RERE: variants seen among roughly 807,000 people sequenced by gnomAD.
RERE encodes arginine-glutamic acid dipeptide repeats.
Under a neutral mutation model 146.1 loss-of-function variants are expected in RERE, and 40 were observed. The observed-to-expected ratio is 0.27, with a 90% CI of 0.21 to 0.36. The LOEUF is 0.36. Ranked by LOEUF, RERE falls within the 10% of genes least tolerant of loss-of-function variation. RERE has a pLI of 1.00. For missense variants in RERE, 1,933 were observed against 2,138.7 expected, an observed-to-expected ratio of 0.90 and a Z score of 1.90; for synonymous variants, 1,003 against 866.0, an observed-to-expected ratio of 1.16 and a Z score of -2.78.
intron 2 of RERE, among the ~76,000 whole-genome samples, chr1:8,655,296 T>C (rs1638248231): frequency 1.3e-5 from 2 of 149,844 alleles, no homozygotes; most frequent in South Asian, 4.3e-4. Flanking sequence ...AACCTCCACC[T>C]CCTGGGTTCA....
chr1:8,355,366 T>G, intron 22 of RERE, 53 bp downstream of exon 22: 1 of 1,583,416 alleles, frequency 6.3e-7, no homozygotes, highest in Non-Finnish European at 8.6e-7. Context: ...ACGGGGAGGT[T>G]GGGAGCCTGG....
chr1:8,437,467 C>A (rs1032650129), intron 11 of RERE, among the ~76,000 whole-genome samples: 1 of 152,104 alleles, frequency 6.6e-6, no homozygotes, highest in East Asian at 1.9e-4. Flanking sequence ...CTCTGGTCTC[C>A]CGCCTACCCC....
At chr1:8,388,440 C>G (rs1642760756) in intron 12 of RERE, among the ~76,000 whole-genome samples, 1 of 152,128 alleles carries the variant, frequency 6.6e-6, no homozygotes, top group African/African-American at 2.4e-5. Context: ...CTGCCTCAGC[C>G]TCCTGAGTAG....
At chr1:8,507,144 A>G (rs75394395) in intron 8 of RERE, among the ~76,000 whole-genome samples, 5,767 of 152,268 alleles carry the variant, frequency 0.038, 363 homozygotes, top group African/African-American at 0.13. Context: ...CCAGTGGCAC[A>G]TGCCTTTAGT....
At chr1:8,812,939 T>C (rs1004516113) in intron 1 of RERE, among the ~76,000 whole-genome samples, 3 of 151,920 alleles carry the variant, frequency 2.0e-5, no homozygotes, top group Admixed American at 6.6e-5. Flanking sequence ...TCTCCTCCAT[T>C]ATTTAAAAAA....
At chr1:8,458,389 C>A (rs543341239) in intron 11 of RERE, among the ~76,000 whole-genome samples, 2 of 152,044 alleles carry the variant, frequency 1.3e-5, no homozygotes, top group Admixed American at 6.6e-5. Context: ...CTGAAGACTC[C>A]CCCCATTACT....
chr1:8,779,713 T>G (rs1349862703), intron 1 of RERE, among the ~76,000 whole-genome samples: 2 of 152,084 alleles, frequency 1.3e-5, no homozygotes, highest in African/African-American at 4.8e-5. Context: ...TTTTTTCTAT[T>G]TATTCATTAT....
chr1:8,561,248 G>T (rs994786452), intron 4 of RERE, among the ~76,000 whole-genome samples: 3 of 152,178 alleles, frequency 2.0e-5, no homozygotes, highest in African/African-American at 4.8e-5. Context: ...GGGAGTGGCA[G>T]CATTGTGCTG....
chr1:8,633,214 G>A, intron 2 of RERE, among the ~76,000 whole-genome samples: 1 of 152,188 alleles, frequency 6.6e-6, no homozygotes, highest in East Asian at 1.9e-4. Context: ...CAGGTCAGAA[G>A]TTCGAGACCA....
chr1:8,807,305 C>T (rs1273073538), intron 1 of RERE, among the ~76,000 whole-genome samples: 1 of 152,126 alleles, frequency 6.6e-6, no homozygotes, highest in East Asian at 1.9e-4. Context: ...CCTCCTGCCT[C>T]GACCTCCCAA....
intron 8 of RERE, among the ~76,000 whole-genome samples, chr1:8,502,023 C>A (rs1570352444): frequency 1.8e-5 from 2 of 111,018 alleles, no homozygotes; most frequent in South Asian, 3.3e-4. Flanking sequence ...CCGCCCCGTC[C>A]GGGAGGGAGG....
chr1:8,656,851 G>A (rs868633783), intron 1 of RERE, among the ~76,000 whole-genome samples: 10 of 152,176 alleles, frequency 6.6e-5, no homozygotes, highest in South Asian at 2.1e-4. Context: ...TGCGGCTCAT[G>A]CCTTGTAATC....
chr1:8,454,842 A>G (rs907328921), intron 11 of RERE, among the ~76,000 whole-genome samples: 3 of 151,308 alleles, frequency 2.0e-5, no homozygotes, highest in African/African-American at 7.3e-5. Flanking sequence ...AAAAACCCCC[A>G]CAAAACTGAA....
intron 11 of RERE, among the ~76,000 whole-genome samples, chr1:8,431,007 G>A (rs558742660): frequency 5.3e-5 from 8 of 152,300 alleles, no homozygotes; most frequent in African/African-American, 1.9e-4. Context: ...GCCACACTGG[G>A]TAGGCCCCTC....
chr1:8,364,966 G>A lies in RERE; in HGVS notation c.1448-128C>T. Reference sequence around the variant, plus strand: ...GGCCTACTGCAGGTTCTGGCCACCAGTCAGAGCGGCTGGGTGCACAGGCTG... The same window carrying A: ...GGCCTACTGCAGGTTCTGGCCACCAATCAGAGCGGCTGGGTGCACAGGCTG... On this transcript the variant is annotated intron_variant, in intron 13 of 22. Transcript: ENST00000400908. This position sits in a 1 kb window ranked among gnomAD's most constrained non-coding sequence, Gnocchi z 5.1. The A allele has an allele frequency of 1.4e-6, 1 of 698,094 alleles. No homozygotes were observed. Among genetic ancestry groups the A allele is most frequent in the Non-Finnish European group, 2.5e-6 (1 of 396,384 alleles). The allele number at this position is 698,094 out of a possible 1,614,324, so 43.2% of individuals were successfully genotyped here.
At chr1:8,500,555 CG>C (rs1483400813) in intron 8 of RERE, among the ~76,000 whole-genome samples, 1 of 152,020 alleles carries the variant, frequency 6.6e-6, no homozygotes, top group Non-Finnish European at 1.5e-5. Context: ...GATCTCGGCT[CG>C]CTACAACCTC....
At position 8,654,053 on chromosome 1, in the gene RERE, G is replaced by A. The variant is rs1647786528; in HGVS notation, c.325+1920C>T. Among the ~76,000 whole-genome samples the A allele has an allele frequency of 4.0e-5, 6 of 151,424 alleles. No homozygotes were observed. In the South Asian group the frequency reaches 1.3e-3, roughly 32 times the overall value. ...CTTTTTTTTTTTTTGCGGGGGGGAGGGGTGGAGACAGGGTTTTGCTCTGCT... is the reference window on the plus strand; with the variant it reads ...CTTTTTTTTTTTTTGCGGGGGGGAGAGGTGGAGACAGGGTTTTGCTCTGCT... On this transcript the variant is annotated intron_variant, in intron 2 of 22. Transcript: ENST00000400908.
chr1:8,801,159 T>C (rs1390059325), intron 1 of RERE, among the ~76,000 whole-genome samples: 1 of 149,980 alleles, frequency 6.7e-6, no homozygotes, highest in African/African-American at 2.5e-5. Flanking sequence ...CTGGAGGGGG[T>C]TGAGATGGGA....
At chr1:8,805,403 C>T (rs1201880478) in intron 1 of RERE, among the ~76,000 whole-genome samples, 1 of 152,052 alleles carries the variant, frequency 6.6e-6, no homozygotes, top group African/African-American at 2.4e-5. Context: ...AATCCCAGCA[C>T]TTTGGGAGGC....
Sources: gnomAD v4.1 joint callset for allele counts (sites outside exome capture counted in the v4.1 genomes callset) on GRCh38, gnomAD v4.1.1 for gene constraint, Gnocchi (gnomAD v3.1) non-coding constraint, MANE v1.5 for transcripts, NCBI Gene and HGNC (gene_info 2026-07-23, HGNC 2026-07-21) for gene names.